The following GIGYF1 variants were observed in gnomAD, a reference collection of about 807,000 sequenced individuals.
GIGYF1 encodes GRB10 interacting GYF protein 1, also known as GRB10-interacting GYF protein 1.
A neutral mutation model predicts 147.1 loss-of-function variants in GIGYF1; 84 were observed. The observed-to-expected ratio is 0.57, with a 90% CI of 0.48 to 0.68. The LOEUF (loss-of-function observed/expected upper bound fraction) is 0.68, where lower values mean the gene tolerates loss of function less well. GIGYF1 is among the 30% of genes least tolerant of loss of function. The pLI is 0.00. For missense variants in GIGYF1, 1,485 were observed against 1,393.7 expected, an observed-to-expected ratio of 1.07 and a Z score of -1.04; for synonymous variants, 752 against 589.5, an observed-to-expected ratio of 1.28 and a Z score of -3.99.
chr7:100,686,320 C>T lies in GIGYF1; in HGVS notation c.808G>A (p.Gly270Arg). The T allele has an allele frequency of 1.1e-5, 17 of 1,613,708 alleles. No homozygotes were observed. Among genetic ancestry groups the T allele is most frequent in the Non-Finnish European group, 1.3e-5 (15 of 1,179,866 alleles). The change falls in exon 11 of 27, where the codon GGA (glycine) becomes AGA (arginine). Residue 270 changes from glycine to arginine, a missense_variant. Physicochemically the swap from Gly to Arg is moderately radical, Grantham distance 125. Transcript: ENST00000678049. Reference protein sequence around the residue: ...GCGEEEGRGGGGSSHLRRCRA... With the variant: ...GCGEEEGRGGRGSSHLRRCRA... ...CACCGCCGCAGGTGAGAGCTGCCTC[C>T]CCCTCCCCGCCCCTCCTCTTCACCA...
chr7:100,687,143 G>T, intron 8 of GIGYF1, 97 bp from the exon 9 acceptor site: 1 of 1,549,224 alleles, frequency 6.5e-7, no homozygotes, highest in Non-Finnish European at 8.9e-7. Context: ...CTGAGGCAGT[G>T]GAGGGAGGAA....
At position 100,681,584 on chromosome 7, in the gene GIGYF1, G is replaced by C; in HGVS notation, c.*135C>G. ...GTGGGTGAGTTAAGGTGCATCGTGT[G>C]TTTGTAACAAGTGCTGGGGACCCCG... On this transcript the variant is annotated 3_prime_UTR_variant, in exon 27 of 27. Transcript: ENST00000678049. 1.5e-6 allele frequency: 1 copy of C among 665,030 alleles called. No homozygotes were observed. The highest frequency in any genetic ancestry group is 2.4e-6 in the Non-Finnish European group (1 of 420,682). 41.2% of individuals were successfully genotyped at this position (665,030 alleles called of 1,614,324 possible). A position where few individuals can be genotyped will look rare whatever the true frequency, so the allele number is the denominator to read the frequency against.
intron 1 of GIGYF1, among the ~76,000 whole-genome samples, chr7:100,691,544 T>C (rs1805825843): frequency 6.6e-6 from 1 of 151,876 alleles, no homozygotes; most frequent in Non-Finnish European, 1.5e-5. Flanking sequence ...AGTTTGTCTA[T>C]TGCAAGCTCT....
At chr7:100,691,085 G>C (rs1009264400) in intron 1 of GIGYF1, among the ~76,000 whole-genome samples, 1 of 152,346 alleles carries the variant, frequency 6.6e-6, no homozygotes. Context: ...GAAGCTGATG[G>C]TGCCTGGCCC....
In GIGYF1 at chr7:100,684,285, G is replaced by A. The variant is rs1386018958; in HGVS notation, c.1682C>T (p.Ala561Val). The A allele has an allele frequency of 1.2e-6, 2 of 1,605,628 alleles. No homozygotes were observed. Among genetic ancestry groups the A allele is most frequent in the Admixed American group, 1.7e-5 (1 of 58,812 alleles). The part of the protein sequence containing the change: ...LKKQQELAAA[A>V]LYQQLQHQQF... ...CTGGTGCTGCAGCTGCTGGTACAAG[G>A]CCGCCGCGGCCAGCTCCTGTTGCTT... The change falls in exon 17 of 27, where the codon GCC becomes GTC. Residue 561 changes from alanine (A) to valine (V), a missense_variant. By Grantham distance (64) the Ala-to-Val change is moderately conservative. Transcript: ENST00000678049.
At position 100,682,093 on chromosome 7, in the gene GIGYF1, G is replaced by A. The variant is rs772805695; in HGVS notation, c.2904C>T (p.Ser968=). The change falls in exon 25 of 27, where the codon AGC becomes AGT. Residue 968 remains serine (S), a synonymous_variant. Transcript: ENST00000678049. ...TCACCTGCTGCTGCTGCCGCTGCTG[G>A]CTGGCTTTCTGCTTGGCCCTCCGCT... is the stretch of plus-strand genomic sequence containing the variant. ...FLERRAKQKA[S]QQRQQQQEAW... 6.2e-7 allele frequency: 1 copy of A among 1,613,382 alleles called. No individual in the cohort carries two copies. The highest frequency in any genetic ancestry group is 1.1e-5 in the South Asian group (1 of 91,082).
rs368914000 is a variant in GIGYF1 at position 100,686,082 on chromosome 7, G to A, written c.949-3C>T. ...GGAATGGGCTCCTTGGGGCCCTTCT[G>A]CATGGGGCCGGGGTGGGGAGCAGAG... On this transcript the variant is annotated splice_region_variant and splice_polypyrimidine_tract_variant and intron_variant, in intron 11 of 26. Coordinates refer to ENST00000678049, the MANE Select transcript of GIGYF1 (RefSeq NM_001375765.1). 1.1e-5 allele frequency: 17 copies of A among 1,609,352 alleles called. No homozygotes were observed. The highest frequency in any genetic ancestry group is 8.3e-5 in the Admixed American group (5 of 59,958).
Position 100,685,351 on chromosome 7 carries a change from C to G in GIGYF1, c.1185G>C (p.Ala395=). Residue 395 remains alanine (A), a synonymous_variant, in exon 13 of 27, where the codon GCG becomes GCC. Transcript: ENST00000678049. The part of the protein sequence containing the change: ...GDETAEKEPP[A]AEDDIRGIQL... ...GCCATCCTCCCTTCCTACCTTCGGCCGCTGGGGGCTCTTTCTCTGCAGTTT... is the reference window on the plus strand; with the variant it reads ...GCCATCCTCCCTTCCTACCTTCGGCGGCTGGGGGCTCTTTCTCTGCAGTTT... 7 of 1,596,264 alleles carry G rather than the reference C, an allele frequency of 4.4e-6. No individual in the cohort carries two copies. Among genetic ancestry groups the G allele is most frequent in the Non-Finnish European group, 6.0e-6 (7 of 1,174,660 alleles).
Position 100,681,611 on chromosome 7 carries a change from C to T in GIGYF1, c.*108G>A, listed in dbSNP as rs560235248. 6 of 1,047,822 alleles carry T rather than the reference C, an allele frequency of 5.7e-6. No homozygotes were observed. The East Asian group carries it at 1.6e-4, about 28-fold the overall frequency. 64.9% of individuals were successfully genotyped at this position (1,047,822 alleles called of 1,614,324 possible). A position where few individuals can be genotyped will look rare whatever the true frequency, so the allele number is the denominator to read the frequency against. On this transcript the variant is annotated 3_prime_UTR_variant, in exon 27 of 27. Transcript: ENST00000678049. ...TTGTAACAAGTGCTGGGGACCCCGC[C>T]CCTGCCTCTTCCTGTGCTCTCTGCG...
rs1284018540 is a variant in GIGYF1, at chr7:100,693,687, C to G, written c.-1099+423G>C. ...CCTAGGACGCTAGGGTCGGGGGCCC[C>G]CAGGCGGCCCAGGGCAGGGCTTGGC... is the stretch of plus-strand genomic sequence containing the variant. On this transcript the variant is annotated intron_variant, in intron 1 of 26. Coordinates refer to ENST00000678049, the MANE Select transcript of GIGYF1 (RefSeq NM_001375765.1). 2.0e-5 allele frequency among the ~76,000 whole-genome samples: 3 copies of G among 152,074 alleles called. No homozygotes were observed. In the East Asian group the frequency reaches 5.8e-4, roughly 30 times the overall value.
At chr7:100,691,831 C>T (rs1259781466) in intron 1 of GIGYF1, among the ~76,000 whole-genome samples, 1 of 152,268 alleles carries the variant, frequency 6.6e-6, no homozygotes, top group Non-Finnish European at 1.5e-5. Flanking sequence ...AGACTGCCCC[C>T]TGCCGGAGAC....
chr7:100,684,099 G>T lies in GIGYF1; in HGVS notation c.1789C>A (p.Pro597Thr). ...EKAALGDLTPPPPPPPQQQQQ... is the reference protein window; with the variant it reads ...EKAALGDLTPTPPPPPQQQQQ... Reference sequence around the variant, plus strand: ...TGCTGCTGTGGCGGCGGCGGTGGTGGCGGTGTCAGGTCCCCCAGAGCTGCC... The same window carrying T: ...TGCTGCTGTGGCGGCGGCGGTGGTGTCGGTGTCAGGTCCCCCAGAGCTGCC... The change falls in exon 18 of 27, where the codon CCA becomes ACA. Residue 597 changes from proline to threonine, a missense_variant. Physicochemically the swap from Pro to Thr is conservative, Grantham distance 38. Transcript: ENST00000678049. The T allele has an allele frequency of 6.2e-7, 1 of 1,607,548 alleles. No individual in the cohort carries two copies.
Position 100,684,736 on chromosome 7 carries a change from C to T in GIGYF1, c.1449G>A (p.Gln483=), listed in dbSNP as rs568407400. 1 of 1,612,144 alleles carries T rather than the reference C, an allele frequency of 6.2e-7. No individual in the cohort carries two copies. Among genetic ancestry groups the T allele is most frequent in the East Asian group, 2.2e-5 (1 of 44,852 alleles). Residue 483 remains glutamine (Q), a synonymous_variant, in exon 15 of 27, where the codon CAG becomes CAA. Coordinates refer to ENST00000678049, the MANE Select transcript of GIGYF1 (RefSeq NM_001375765.1). ...AARKWFYKDP[Q]GEIQGPFTTQ... Reference sequence around the variant, plus strand: ...CCACACAGGTACCTTGGATCTCGCCCTGTGGGTCCTTGTAGAACCACTTCC... The same window carrying T: ...CCACACAGGTACCTTGGATCTCGCCTTGTGGGTCCTTGTAGAACCACTTCC...
At chr7:100,683,776 C>G (rs1344771013) in intron 19 of GIGYF1, 42 bp downstream of exon 19, 3 of 1,575,798 alleles carry the variant, frequency 1.9e-6, no homozygotes, top group Non-Finnish European at 2.6e-6. Flanking sequence ...CCCATTTCAC[C>G]CGGAGACTGC....
At position 100,694,103 on chromosome 7, in the gene GIGYF1, C is replaced by T. The variant is rs1806056923; in HGVS notation, c.-1099+7G>A. 6.9e-6 allele frequency: 1 copy of T among 145,456 alleles called. No individual in the cohort carries two copies. Among genetic ancestry groups the T allele is most frequent in the Non-Finnish European group, 1.5e-5 (1 of 65,292 alleles). The allele number at this position is 145,456 out of a possible 1,614,324, so 9.0% of individuals were successfully genotyped here. ...GGCCGGGGGCCGCGGGGCCACTGGG[C>T]GCTTACCGCGGGCGGCGCGAGGGTC... On this transcript the variant is annotated splice_region_variant and intron_variant, in intron 1 of 26. Transcript: ENST00000678049.
In GIGYF1 at chr7:100,681,661, G is replaced by A. The variant is rs1250839102; in HGVS notation, c.*58C>T. On this transcript the variant is annotated 3_prime_UTR_variant, in exon 27 of 27. Coordinates refer to ENST00000678049, the MANE Select transcript of GIGYF1 (RefSeq NM_001375765.1). ...GGGGAGCCTGCAGGCTGGGACCCTC[G>A]GTCCACGCCGCTGTGGCTGCCCTGG... is the stretch of plus-strand genomic sequence containing the variant. 14 of 1,480,444 alleles carry A rather than the reference G, an allele frequency of 9.5e-6. No homozygotes were observed. The highest frequency in any genetic ancestry group is 5.4e-5 in the South Asian group (4 of 73,488). The allele number at this position is 1,480,444 out of a possible 1,614,324, so 91.7% of individuals were successfully genotyped here.
Position 100,683,056 on chromosome 7 carries a change from G to A in GIGYF1, c.2368C>T (p.Pro790Ser), listed in dbSNP as rs1463421509. The A allele has an allele frequency of 6.3e-7, 1 of 1,575,184 alleles. No individual in the cohort carries two copies. Among genetic ancestry groups the A allele is most frequent in the Non-Finnish European group, 8.6e-7 (1 of 1,166,860 alleles). ...TGGGCCCGAGCTGGCTCCCGAGGTG[G>A]GGGCTGTTTGTGCAGCTGCCGCTCG... ...EGERQLHKQP[P>S]PREPARAQAP... Residue 790 changes from proline (P) to serine (S), a missense_variant, in exon 22 of 27, where the codon CCA (proline) becomes TCA (serine). By Grantham distance (74) the Pro-to-Ser change is moderately conservative. Coordinates refer to ENST00000678049, the MANE Select transcript of GIGYF1 (RefSeq NM_001375765.1).
chr7:100,691,336 G>A (rs947481292), intron 1 of GIGYF1, among the ~76,000 whole-genome samples: 2 of 152,308 alleles, frequency 1.3e-5, no homozygotes, highest in East Asian at 3.9e-4. Flanking sequence ...CCACGAGCAT[G>A]GGCACAGCCC....
rs1805319803 is a variant in GIGYF1, at chr7:100,686,182, T to C, written c.946A>G (p.Lys316Glu). Residue 316 changes from lysine to glutamate, a missense_variant and splice_region_variant, in exon 11 of 27, where the codon AAG (lysine) becomes GAG (glutamate). Coordinates refer to ENST00000678049, the MANE Select transcript of GIGYF1 (RefSeq NM_001375765.1). ...FDASGAFLPL[K>E]KGPKEPIPEE... ...CACCCTCGCCTCCTCACAGATACCT[T>C]GAGAGGCAAGAAGGCCCCAGAGGCA... is the stretch of plus-strand genomic sequence containing the variant. 2 of 1,607,926 alleles carry C rather than the reference T, an allele frequency of 1.2e-6. No individual in the cohort carries two copies. The highest frequency in any genetic ancestry group is 1.7e-5 in the Admixed American group (1 of 59,424).
Sources: allele counts gnomAD v4.1 joint callset (sites outside exome capture counted in the v4.1 genomes callset), GRCh38; gene constraint gnomAD v4.1.1; transcripts MANE v1.5; gene names NCBI Gene and HGNC (gene_info 2026-07-23, HGNC 2026-07-21).